Variants in ADGRB1 observed in about 807,000 individuals in gnomAD.
The protein encoded by ADGRB1 is brain-specific angiogenesis inhibitor 1.
In ADGRB1, 36 loss-of-function variants were observed where a neutral mutation model predicts 175.7. The observed-to-expected ratio is 0.20, with a 90% CI of 0.16 to 0.27. The LOEUF is 0.27. ADGRB1 is among the 10% of genes least tolerant of loss of function. The pLI is 1.00. For synonymous variants in ADGRB1, 1,054 were observed against 979.4 expected, an observed-to-expected ratio of 1.08 and a Z score of -1.42; for missense variants, 1,731 against 2,255.3, an observed-to-expected ratio of 0.77 and a Z score of 4.71.
At chr8:142,540,276 CG>C (rs1845188874) in intron 27 of ADGRB1, among the ~76,000 whole-genome samples, 1 of 152,236 alleles carries the variant, frequency 6.6e-6, no homozygotes, top group South Asian at 2.1e-4. Flanking sequence ...GAAGTGACTT[CG>C]GGGCTGGGCT....
At position 142,538,516 on chromosome 8, in the gene ADGRB1, C is replaced by T. The variant is rs113088295; in HGVS notation, c.3667-858C>T. Among the ~76,000 whole-genome samples the T allele has an allele frequency of 6.6e-3, 998 of 152,324 alleles. 15 individuals are homozygous for T. The highest frequency in any genetic ancestry group is 0.022 in the African/African-American group (929 of 41,568). ...CGTTTCTCCTGGCCTGACCTCTGAT[C>T]CCAGGGGGAAGATTTTGTTGTCTCC... On this transcript the variant is annotated intron_variant, in intron 26 of 30. Coordinates refer to ENST00000517894, the MANE Select transcript of ADGRB1 (RefSeq NM_001702.3).
intron 15 of ADGRB1, 107 bp downstream of exon 15, chr8:142,489,217 G>C: frequency 3.9e-6 from 6 of 1,546,334 alleles, no homozygotes; most frequent in Non-Finnish European, 5.3e-6. Context: ...GAGGAGTGTG[G>C]ATGATGGGCT....
intron 27 of ADGRB1, among the ~76,000 whole-genome samples, chr8:142,541,415 C>T (rs1177476438): frequency 6.6e-6 from 1 of 152,140 alleles, no homozygotes; most frequent in Non-Finnish European, 1.5e-5. Flanking sequence ...GGGAGGCTTG[C>T]AGGCCCCAGG....
chr8:142,477,065 C>T (rs1285993740), intron 4 of ADGRB1, 49 bp from the exon 5 acceptor site: 2 of 1,472,326 alleles, frequency 1.4e-6, no homozygotes, highest in Non-Finnish European at 1.8e-6. Flanking sequence ...CCCGGTCTGA[C>T]TGCAGCCCCA....
chr8:142,544,208 G>A lies in ADGRB1; in HGVS notation c.4558-12G>A, dbSNP rs1489312089. 1 of 1,548,154 alleles carries A rather than the reference G, an allele frequency of 6.5e-7. No individual in the cohort carries two copies. The highest frequency in any genetic ancestry group is 2.0e-5 in the Admixed American group (1 of 50,908). ...GGGCCCCACCCCTCCTGCACCACGG[G>A]CCACCCAGCAGCCGGAAAAGCAGCA... On this transcript the variant is annotated splice_polypyrimidine_tract_variant and intron_variant, in intron 30 of 30. Transcript: ENST00000517894.
At chr8:142,491,966 C>T (rs186134162) in intron 17 of ADGRB1, among the ~76,000 whole-genome samples, 7 of 151,972 alleles carry the variant, frequency 4.6e-5, no homozygotes, top group African/African-American at 7.3e-5. Context: ...AGCAGGGAGC[C>T]GGCCAGGAGG....
Position 142,468,755 on chromosome 8 carries a change from G to T in ADGRB1, c.784+3773G>T, listed in dbSNP as rs146005500. Among the ~76,000 whole-genome samples the T allele has an allele frequency of 2.1e-3, 314 of 152,334 alleles. 2 individuals are homozygous for T. Among genetic ancestry groups the T allele is most frequent in the Admixed American group, 5.9e-3 (91 of 15,300 alleles). On this transcript the variant is annotated intron_variant, in intron 2 of 30. Coordinates refer to ENST00000517894, the MANE Select transcript of ADGRB1 (RefSeq NM_001702.3). ...CATTGCAGGCTACCCTGACCGTCCT[G>T]TTGAAAATGGCAGCAGCTCTGGGCC...
Position 142,481,500 on chromosome 8 carries a change from C to G in ADGRB1, c.1936-17C>G. The G allele has an allele frequency of 6.4e-7, 1 of 1,572,358 alleles. No individual in the cohort carries two copies. Among genetic ancestry groups the G allele is most frequent in the Non-Finnish European group, 8.6e-7 (1 of 1,156,568 alleles). On this transcript the variant is annotated splice_polypyrimidine_tract_variant and intron_variant, in intron 10 of 30. Transcript: ENST00000517894. ...TTCCACAGAGGTGAAGGCACCCGCC[C>G]TCTCTGTCTTCCGCAGACCCGGGAG... is the stretch of plus-strand genomic sequence containing the variant.
At chr8:142,477,063 G>C in intron 4 of ADGRB1, 51 bp from the exon 5 acceptor site, 1 of 1,466,124 alleles carries the variant, frequency 6.8e-7, no homozygotes, top group Non-Finnish European at 9.0e-7. Flanking sequence ...GCCCCGGTCT[G>C]ACTGCAGCCC....
At position 142,464,313 on chromosome 8, in the gene ADGRB1, G is replaced by T; in HGVS notation, c.115G>T (p.Gly39Trp). 6.9e-7 allele frequency: 1 copy of T among 1,443,396 alleles called. No homozygotes were observed. Among genetic ancestry groups the T allele is most frequent in the Non-Finnish European group, 9.0e-7 (1 of 1,105,658 alleles). The allele number at this position is 1,443,396 out of a possible 1,614,324, so 89.4% of individuals were successfully genotyped here. A position where few individuals can be genotyped will look rare whatever the true frequency, so the allele number is the denominator to read the frequency against. ...RAAAGADAGP[G>W]PEPCATLVQG... The stretch of plus-strand genomic sequence containing the variant: ...GGCCGCCGGAGCAGACGCGGGGCCC[G>T]GGCCCGAGCCGTGCGCCACGCTGGT... Residue 39 changes from glycine (G) to tryptophan (W), a missense_variant, in exon 2 of 31, where the codon GGG becomes TGG. Physicochemically the swap from Gly to Trp is radical, Grantham distance 184. Coordinates refer to ENST00000517894, the MANE Select transcript of ADGRB1 (RefSeq NM_001702.3).
chr8:142,536,956 G>A, intron 25 of ADGRB1, 31 bp from the exon 26 acceptor site: 1 of 1,545,174 alleles, frequency 6.5e-7, no homozygotes. Flanking sequence ...GGGCGTGGCT[G>A]CCACTGAGGT....
rs1169418926 is a variant in ADGRB1, at chr8:142,504,815, A to T, written c.2676-6117A>T. 6.6e-6 allele frequency among the ~76,000 whole-genome samples: 1 copy of T among 151,970 alleles called. No homozygotes were observed. Among genetic ancestry groups the T allele is most frequent in the Non-Finnish European group, 1.5e-5 (1 of 67,984 alleles). On this transcript the variant is annotated intron_variant, in intron 17 of 30. Transcript: ENST00000517894. The surrounding 1 kb of genome is among the most constrained non-coding windows in gnomAD (Gnocchi z 5.6). ...TCCTGAGGCCAGGCCTAGAAGCCGAAGCCTCTGCCTGCAGAGACACCATTT... is the reference window on the plus strand; with the variant it reads ...TCCTGAGGCCAGGCCTAGAAGCCGATGCCTCTGCCTGCAGAGACACCATTT...
intron 12 of ADGRB1, 69 bp downstream of exon 12, chr8:142,484,114 C>A: frequency 7.0e-7 from 1 of 1,438,434 alleles, no homozygotes; most frequent in Non-Finnish European, 9.5e-7. Flanking sequence ...CCTCCCTGGT[C>A]TCCAGTCGGC....
chr8:142,522,124 C>A lies in ADGRB1; in HGVS notation c.3175+9C>A, dbSNP rs759824853. The A allele has an allele frequency of 2.5e-6, 4 of 1,605,922 alleles. No homozygotes were observed. The highest frequency in any genetic ancestry group is 2.7e-5 in the African/African-American group (2 of 74,976). ...CCTCTGCCTGGGCTGGGGTGAGCCG[C>A]GGCCTTCCCGACCCTCCTGGACAGA... On this transcript the variant is annotated intron_variant, in intron 21 of 30. Transcript: ENST00000517894.
At chr8:142,507,166 A>G (rs1207757463) in intron 17 of ADGRB1, among the ~76,000 whole-genome samples, 2 of 152,240 alleles carry the variant, frequency 1.3e-5, no homozygotes, top group African/African-American at 4.8e-5. Flanking sequence ...AAACTGCCAG[A>G]AAGCCCTTAG....
In ADGRB1 at chr8:142,539,400, G is replaced by A. The variant is rs1280040903; in HGVS notation, c.3693G>A (p.Leu1231=). Residue 1231 remains leucine, a synonymous_variant, in exon 27 of 31, where the codon CTG becomes CTA. Coordinates refer to ENST00000517894, the MANE Select transcript of ADGRB1 (RefSeq NM_001702.3). ...CCGACTTCGAGAAGGACGTGGATCT[G>A]GCCTGTAGATCAGGTGAGCGCCCGA... The part of the protein sequence containing the change: ...LMTDFEKDVD[L]ACRSVLNKDI... 7 of 1,600,372 alleles carry A rather than the reference G, an allele frequency of 4.4e-6. No homozygotes were observed. The highest frequency in any genetic ancestry group is 2.7e-5 in the African/African-American group (2 of 74,688).
chr8:142,501,479 ATGAT>A (rs1842536548), intron 17 of ADGRB1, among the ~76,000 whole-genome samples: 1 of 110,470 alleles, frequency 9.1e-6, no homozygotes, highest in African/African-American at 3.9e-5. Context: ...GGTGGTGGTG[ATGAT>A]GGGGTGGTGG....
In ADGRB1 at chr8:142,492,527, C is replaced by G. The variant is rs539324225; in HGVS notation, c.2675+1712C>G. 6.6e-6 allele frequency among the ~76,000 whole-genome samples: 1 copy of G among 152,136 alleles called. No individual in the cohort carries two copies. Among genetic ancestry groups the G allele is most frequent in the Admixed American group, 6.5e-5 (1 of 15,282 alleles). On this transcript the variant is annotated intron_variant, in intron 17 of 30. Transcript: ENST00000517894. The surrounding 1 kb of genome is among the most constrained non-coding windows in gnomAD (Gnocchi z 4.4). The stretch of plus-strand genomic sequence containing the variant: ...CAGAGGCCTGGCAAGCACAGCTCTG[C>G]GTGTGAGTGTCTGGGGATGAGCGTC...
chr8:142,502,358 G>T, intron 17 of ADGRB1, among the ~76,000 whole-genome samples: 6 of 149,676 alleles, frequency 4.0e-5, no homozygotes, highest in African/African-American at 1.5e-4. Context: ...TGGGGAGGTG[G>T]TAGTAATGGT....
Sources: allele counts gnomAD v4.1 joint callset (sites outside exome capture counted in the v4.1 genomes callset), GRCh38; gene constraint gnomAD v4.1.1; non-coding constraint Gnocchi (gnomAD v3.1); transcripts MANE v1.5; gene names NCBI Gene and HGNC (gene_info 2026-07-23, HGNC 2026-07-21).